CNTN5: variants seen among roughly 807,000 people sequenced by gnomAD.
The protein encoded by CNTN5 is contactin 5.
In CNTN5, 77 loss-of-function variants were observed where a neutral mutation model predicts 129.1. The observed-to-expected ratio is 0.60, with a 90% CI of 0.50 to 0.72. CNTN5 has a LOEUF of 0.72. Among genes scored for constraint, CNTN5 ranks in the 30% least tolerant of loss-of-function variants. The pLI is 0.00. For synonymous variants in CNTN5, 509 were observed against 465.6 expected, an observed-to-expected ratio of 1.09 and a Z score of -1.20; for missense variants, 1,478 against 1,328.8, an observed-to-expected ratio of 1.11 and a Z score of -1.75.
intron 13 of CNTN5, among the ~76,000 whole-genome samples, chr11:100,078,239 C>T (rs1160677717): frequency 6.6e-6 from 1 of 151,668 alleles, no homozygotes; most frequent in Non-Finnish European, 1.5e-5. Flanking sequence ...ATATATTTTG[C>T]TAAGGAAATT....
intron 16 of CNTN5, among the ~76,000 whole-genome samples, chr11:100,235,992 T>C (rs184971506): frequency 7.4e-4 from 112 of 152,254 alleles, no homozygotes; most frequent in Non-Finnish European, 1.4e-3. Context: ...AGCTAGGTGA[T>C]TGCCTGACTC....
chr11:99,704,685 T>C (rs1007401850), intron 3 of CNTN5, among the ~76,000 whole-genome samples: 1 of 151,270 alleles, frequency 6.6e-6, no homozygotes, highest in African/African-American at 2.4e-5. Context: ...CACTATCTTT[T>C]ATCTATATAT....
chr11:99,310,207 A>G (rs1387761407), intron 1 of CNTN5, among the ~76,000 whole-genome samples: 1 of 152,174 alleles, frequency 6.6e-6, no homozygotes, highest in East Asian at 1.9e-4. Flanking sequence ...ACAGAAAGAC[A>G]CATACAATGC....
intron 13 of CNTN5, among the ~76,000 whole-genome samples, chr11:100,089,626 C>A (rs933969331): frequency 6.6e-6 from 1 of 152,046 alleles, no homozygotes; most frequent in African/African-American, 2.4e-5. Flanking sequence ...TTCACAATAG[C>A]AAATACATGG....
chr11:99,492,960 C>G (rs547898462), intron 2 of CNTN5, among the ~76,000 whole-genome samples: 3 of 152,020 alleles, frequency 2.0e-5, no homozygotes, highest in Non-Finnish European at 2.9e-5. Context: ...CAGGAAAAGT[C>G]CCTCTGGAAT....
chr11:99,248,288 T>C (rs892065778), intron 1 of CNTN5, among the ~76,000 whole-genome samples: 15 of 152,160 alleles, frequency 9.9e-5, no homozygotes, highest in Non-Finnish European at 1.6e-4. Flanking sequence ...TCATATCCTT[T>C]GCCCACTTTT....
chr11:100,093,465 CTA>C (rs1195891861), intron 13 of CNTN5, among the ~76,000 whole-genome samples: 1 of 151,816 alleles, frequency 6.6e-6, no homozygotes, highest in African/African-American at 2.4e-5. Context: ...TGAGGTCTTG[CTA>C]TGTTTCTCAA....
intron 15 of CNTN5, among the ~76,000 whole-genome samples, chr11:100,205,904 C>G (rs1948902648): frequency 6.6e-6 from 1 of 152,024 alleles, no homozygotes; most frequent in African/African-American, 2.4e-5. Context: ...TACATAAGTT[C>G]TTATTTTATC....
intron 3 of CNTN5, among the ~76,000 whole-genome samples, chr11:99,763,821 C>G (rs1944664110): frequency 6.6e-6 from 1 of 151,662 alleles, no homozygotes; most frequent in African/African-American, 2.4e-5. Context: ...AATAGAACAA[C>G]CGTAAAAAAT....
intron 6 of CNTN5, among the ~76,000 whole-genome samples, chr11:99,866,876 C>T (rs1380946756): frequency 6.6e-6 from 1 of 152,208 alleles, no homozygotes; most frequent in African/African-American, 2.4e-5. Flanking sequence ...AATCCCTCTT[C>T]ACCCTTCCCA....
chr11:99,581,412 G>A (rs1238142038), intron 3 of CNTN5, among the ~76,000 whole-genome samples: 7 of 148,432 alleles, frequency 4.7e-5, no homozygotes, highest in African/African-American at 7.6e-5. Flanking sequence ...TCGTTGATCT[G>A]TCTAATGTTG....
chr11:99,299,220 T>TAG (rs1864519076), intron 1 of CNTN5, among the ~76,000 whole-genome samples: 1 of 152,184 alleles, frequency 6.6e-6, no homozygotes, highest in African/African-American at 2.4e-5. Flanking sequence ...ATATTGGTCT[T>TAG]ACTAGACAAA....
intron 3 of CNTN5, among the ~76,000 whole-genome samples, chr11:99,564,771 A>G (rs1425807120): frequency 2.6e-5 from 4 of 152,172 alleles, no homozygotes; most frequent in African/African-American, 9.6e-5. Context: ...GTGCAGAGAT[A>G]GCAATTGGAA....
At chr11:99,893,348 A>G (rs1347684001) in intron 6 of CNTN5, among the ~76,000 whole-genome samples, 1 of 152,232 alleles carries the variant, frequency 6.6e-6, no homozygotes, top group African/African-American at 2.4e-5. Context: ...TTGAGCAAAT[A>G]ATAGGTGGAC....
At chr11:100,346,979 A>G (rs1355992398) in intron 23 of CNTN5, among the ~76,000 whole-genome samples, 1 of 152,076 alleles carries the variant, frequency 6.6e-6, no homozygotes, top group Non-Finnish European at 1.5e-5. Context: ...ATCAGATCTC[A>G]TGAGACTTAC....
intron 3 of CNTN5, among the ~76,000 whole-genome samples, chr11:99,734,857 A>T (rs903870419): frequency 6.6e-6 from 1 of 152,196 alleles, no homozygotes; most frequent in African/African-American, 2.4e-5. Context: ...AAATACAAAA[A>T]ATTAGCCCGG....
intron 1 of CNTN5, among the ~76,000 whole-genome samples, chr11:99,192,551 A>G (rs1310574145): frequency 2.0e-5 from 3 of 151,940 alleles, no homozygotes; most frequent in Non-Finnish European, 2.9e-5. Context: ...AGATACTAGA[A>G]TTATAATTTG....
chr11:99,940,734 T>C (rs1008372194), intron 7 of CNTN5, among the ~76,000 whole-genome samples: 2 of 152,104 alleles, frequency 1.3e-5, no homozygotes, highest in Non-Finnish European at 2.9e-5. Context: ...GTTCATAAAA[T>C]CAATGATGTG....
Position 99,134,951 on chromosome 11 carries a change from A to G in CNTN5, c.-210+113681A>G, listed in dbSNP as rs17133128. On this transcript the variant is annotated intron_variant, in intron 1 of 24. Coordinates refer to ENST00000524871, the MANE Select transcript of CNTN5 (RefSeq NM_014361.4). ...AAACTCTAAAAGATAATAATCTCCTATCAGTAGTATAATGAATGACTTTTG... is the reference window on the plus strand; with the variant it reads ...AAACTCTAAAAGATAATAATCTCCTGTCAGTAGTATAATGAATGACTTTTG... Among the ~76,000 whole-genome samples the G allele has an allele frequency of 8.5e-3, 1,292 of 152,324 alleles. 22 individuals are homozygous for G. Among genetic ancestry groups the G allele is most frequent in the African/African-American group, 0.029 (1,200 of 41,578 alleles).
Sources: allele counts gnomAD v4.1 joint callset (sites outside exome capture counted in the v4.1 genomes callset), GRCh38; gene constraint gnomAD v4.1.1; transcripts MANE v1.5; gene names NCBI Gene and HGNC (gene_info 2026-07-23, HGNC 2026-07-21).